CACNA2D3: variants seen among roughly 807,000 people sequenced by gnomAD.
The protein encoded by CACNA2D3 is calcium voltage-gated channel auxiliary subunit alpha2delta 3, also known as voltage-dependent calcium channel subunit alpha-2/delta-3.
In CACNA2D3, 60 loss-of-function variants were observed where a neutral mutation model predicts 160.6. The ratio of observed to expected loss-of-function variants is 0.37; its 90% CI spans 0.30 to 0.46. The LOEUF (loss-of-function observed/expected upper bound fraction) is 0.46, where lower values mean the gene tolerates loss of function less well. Among genes scored for constraint, CACNA2D3 ranks in the 20% least tolerant of loss-of-function variants. The pLI is 1.00. For synonymous variants in CACNA2D3, 558 were observed against 492.9 expected (o/e 1.13, Z -1.75); for missense variants, 1,205 against 1,365.0 (o/e 0.88, Z 1.85).
intron 3 of CACNA2D3, among the ~76,000 whole-genome samples, chr3:54,347,820 T>C (rs1698486096): frequency 6.6e-6 from 1 of 152,120 alleles, no homozygotes; most frequent in Non-Finnish European, 1.5e-5. Flanking sequence ...CGTGCCTGTA[T>C]AAATGACCTC....
chr3:54,903,885 G>T (rs1169502071), intron 27 of CACNA2D3, among the ~76,000 whole-genome samples: 1 of 152,026 alleles, frequency 6.6e-6, no homozygotes, highest in Non-Finnish European at 1.5e-5. Context: ...CATGTCCTTT[G>T]CCCACTTTTT....
intron 4 of CACNA2D3, among the ~76,000 whole-genome samples, chr3:54,430,342 A>C (rs960867480): frequency 1.3e-5 from 2 of 152,226 alleles, no homozygotes; most frequent in African/African-American, 4.8e-5. Flanking sequence ...CAAAGTGTTA[A>C]AAATATTGAG....
intron 9 of CACNA2D3, among the ~76,000 whole-genome samples, chr3:54,623,072 A>G (rs1307241924): frequency 6.6e-6 from 1 of 152,212 alleles, no homozygotes; most frequent in Non-Finnish European, 1.5e-5. Flanking sequence ...TGTGGTAATC[A>G]TAAGGGATCT....
chr3:54,985,133 A>G (rs1417851304), intron 30 of CACNA2D3, among the ~76,000 whole-genome samples: 1 of 152,250 alleles, frequency 6.6e-6, no homozygotes, highest in Non-Finnish European at 1.5e-5. Context: ...CTTTTTAAAA[A>G]TCAGTTATCT....
At chr3:54,807,121 T>G (rs956728321) in intron 13 of CACNA2D3, among the ~76,000 whole-genome samples, 1 of 152,174 alleles carries the variant, frequency 6.6e-6, no homozygotes, top group African/African-American at 2.4e-5. Flanking sequence ...ACCTGGGCAT[T>G]ACCATTCAGG....
intron 4 of CACNA2D3, among the ~76,000 whole-genome samples, chr3:54,416,131 C>A (rs1699750278): frequency 2.0e-5 from 3 of 152,190 alleles, no homozygotes; most frequent in Admixed American, 6.5e-5. Context: ...TGGATCTATT[C>A]TCCACATAGC....
chr3:54,361,023 A>G (rs1342576477), intron 3 of CACNA2D3, among the ~76,000 whole-genome samples: 4 of 152,108 alleles, frequency 2.6e-5, no homozygotes, highest in Non-Finnish European at 4.4e-5. Flanking sequence ...AATGGTTAAT[A>G]TTTGTCACTG....
chr3:54,596,273 T>C (rs1702953007), intron 9 of CACNA2D3, among the ~76,000 whole-genome samples: 2 of 152,086 alleles, frequency 1.3e-5, no homozygotes, highest in South Asian at 2.1e-4. Flanking sequence ...TCTCCCAGCA[T>C]CTCAGCCCTG....
intron 27 of CACNA2D3, among the ~76,000 whole-genome samples, chr3:54,959,325 C>G (rs1486208840): frequency 6.6e-6 from 1 of 152,152 alleles, no homozygotes; most frequent in Non-Finnish European, 1.5e-5. Context: ...TCAGGTCCCT[C>G]CAGGGAGCTG....
In CACNA2D3 at chr3:54,486,896, C is replaced by A. The variant is rs539319532; in HGVS notation, c.382-16596C>A. 4.0e-4 allele frequency among the ~76,000 whole-genome samples: 61 copies of A among 152,250 alleles called. 1 individual carries two copies. Among genetic ancestry groups the A allele is most frequent in the African/African-American group, 1.5e-3 (61 of 41,558 alleles). On this transcript the variant is annotated intron_variant, in intron 4 of 37. Transcript: ENST00000474759. ...AGGAGAGATGCTGAGCAGGCCAAAG[C>A]AACCTTATTCACAGCATTTGCCTGT...
intron 27 of CACNA2D3, among the ~76,000 whole-genome samples, chr3:54,926,526 ACACACAC>A (rs1701025491): frequency 1.3e-5 from 2 of 149,542 alleles, no homozygotes; most frequent in Non-Finnish European, 3.0e-5. Context: ...ACACACACAC[ACACACAC>A]ACACACACAC....
chr3:54,198,825 C>T (rs1701125949), intron 2 of CACNA2D3, among the ~76,000 whole-genome samples: 2 of 152,242 alleles, frequency 1.3e-5, no homozygotes, highest in African/African-American at 2.4e-5. Flanking sequence ...CAGGTCTGGT[C>T]GGCACAGGCC....
intron 2 of CACNA2D3, among the ~76,000 whole-genome samples, chr3:54,285,297 C>A (rs373074576): frequency 1.3e-5 from 2 of 152,162 alleles, no homozygotes; most frequent in African/African-American, 4.8e-5. Context: ...TCACCTGGCT[C>A]GGAGGGTCCT....
intron 2 of CACNA2D3, among the ~76,000 whole-genome samples, chr3:54,311,875 C>G (rs1703750943): frequency 6.6e-6 from 1 of 152,024 alleles, no homozygotes; most frequent in Non-Finnish European, 1.5e-5. Flanking sequence ...TGGCATAGTC[C>G]CATCTTAAAT....
At chr3:54,572,562 C>T (rs1238361810) in intron 8 of CACNA2D3, among the ~76,000 whole-genome samples, 7 of 152,224 alleles carry the variant, frequency 4.6e-5, no homozygotes, top group Non-Finnish European at 8.8e-5. Flanking sequence ...TGTCCGGCTT[C>T]ACCTTGCACC....
At position 54,736,070 on chromosome 3, in the gene CACNA2D3, T is replaced by TAC. The variant is rs1422809747; in HGVS notation, c.1168-16528_1168-16527insCA. 1.8e-3 allele frequency among the ~76,000 whole-genome samples: 59 copies of TAC among 32,006 alleles called. 5 individuals are homozygous for TAC. The highest frequency in any genetic ancestry group is 2.5e-3 in the Admixed American group (6 of 2,424). The allele number at this position is 32,006 out of a possible 152,430, so 21.0% of individuals were successfully genotyped here. A position where few individuals can be genotyped will look rare whatever the true frequency, so the allele number is the denominator to read the frequency against. ...ACACATACATATGTATGTATATATA[T>TAC]ATACATATATATGTATGTGTATATA... is the stretch of plus-strand genomic sequence containing the variant. On this transcript the variant is annotated intron_variant, in intron 11 of 37. Transcript: ENST00000474759.
intron 2 of CACNA2D3, among the ~76,000 whole-genome samples, chr3:54,319,687 C>G (rs1234863012): frequency 1.3e-5 from 2 of 152,134 alleles, no homozygotes; most frequent in African/African-American, 4.8e-5. Flanking sequence ...CTGAGAGCGT[C>G]TCTTTATGTG....
At chr3:54,467,007 A>G (rs1290480598) in intron 4 of CACNA2D3, among the ~76,000 whole-genome samples, 1 of 152,218 alleles carries the variant, frequency 6.6e-6, no homozygotes, top group Non-Finnish European at 1.5e-5. Context: ...AATACTAAGA[A>G]TCAACTTTAA....
At chr3:54,528,965 C>G (rs973907594) in intron 5 of CACNA2D3, among the ~76,000 whole-genome samples, 6 of 152,186 alleles carry the variant, frequency 3.9e-5, no homozygotes, top group Admixed American at 3.9e-4. Context: ...TCAGGGAGAG[C>G]AGGCCTAGAA....
Sources: gnomAD v4.1 joint callset for allele counts (sites outside exome capture counted in the v4.1 genomes callset) on GRCh38, gnomAD v4.1.1 for gene constraint, MANE v1.5 for transcripts, NCBI Gene and HGNC (gene_info 2026-07-23, HGNC 2026-07-21) for gene names.